The following LINGO2 variants were observed in gnomAD, a reference collection of about 807,000 sequenced individuals.
LINGO2 encodes the protein leucine rich repeat and Ig domain containing 2.
Under a neutral mutation model 30.6 loss-of-function variants are expected in LINGO2, and 14 were observed. That is an observed-to-expected ratio of 0.46 (90% CI 0.30 to 0.72). The LOEUF is 0.72. LINGO2 is among the 30% of genes least tolerant of loss of function. The pLI, the probability that LINGO2 is intolerant of heterozygous loss-of-function variation, is 0.07. For missense variants in LINGO2, 729 were observed against 751.7 expected (o/e 0.97, Z 0.35); for synonymous variants, 317 against 288.5 (o/e 1.10, Z -1.00).
intron 2 of LINGO2, among the ~76,000 whole-genome samples, chr9:28,467,391 A>C (rs1825358945): frequency 6.6e-6 from 1 of 152,186 alleles, no homozygotes; most frequent in Non-Finnish European, 1.5e-5. Context: ...AGCAAACAAC[A>C]TAGTGAAAAC....
chr9:28,514,284 A>G (rs1384963667), intron 1 of LINGO2, among the ~76,000 whole-genome samples: 1 of 152,314 alleles, frequency 6.6e-6, no homozygotes, highest in East Asian at 1.9e-4. Context: ...AAGTGAAAAG[A>G]AGAGTAGCCC....
chr9:28,585,441 T>C (rs1486508361), intron 1 of LINGO2, among the ~76,000 whole-genome samples: 4 of 151,944 alleles, frequency 2.6e-5, no homozygotes, highest in African/African-American at 9.7e-5. Flanking sequence ...CTTAAAATGG[T>C]TCAACTTAGG....
intron 4 of LINGO2, among the ~76,000 whole-genome samples, chr9:28,276,123 T>C (rs1409711112): frequency 3.3e-5 from 5 of 152,188 alleles, no homozygotes; most frequent in Non-Finnish European, 7.4e-5. Flanking sequence ...GATTTGACTA[T>C]CTAAGAATTT....
At chr9:28,241,577 T>G (rs934375927) in intron 4 of LINGO2, among the ~76,000 whole-genome samples, 5 of 151,986 alleles carry the variant, frequency 3.3e-5, no homozygotes, top group African/African-American at 1.2e-4. Context: ...CAGCCCAGAT[T>G]AGTAGGTTTA....
chr9:28,924,473 A>C, the LINGO2 span, among the ~76,000 whole-genome samples: 1 of 152,158 alleles, frequency 6.6e-6, no homozygotes, highest in Admixed American at 6.5e-5. Flanking sequence ...CGCCAGCCTC[A>C]GTCTCCCAAA....
chr9:27,965,123 T>C (rs1469303181), intron 5 of LINGO2, among the ~76,000 whole-genome samples: 2 of 152,138 alleles, frequency 1.3e-5, no homozygotes, highest in Non-Finnish European at 1.5e-5. Context: ...CAAAGACTAT[T>C]AAGGATTCCA....
At chr9:28,340,721 T>A (rs1825739590) in intron 3 of LINGO2, among the ~76,000 whole-genome samples, 1 of 152,102 alleles carries the variant, frequency 6.6e-6, no homozygotes, top group South Asian at 2.1e-4. Context: ...GAAAAAATAC[T>A]TCATGGAATA....
chr9:29,037,570 A>G, the LINGO2 span, among the ~76,000 whole-genome samples: 3 of 151,980 alleles, frequency 2.0e-5, no homozygotes, highest in Non-Finnish European at 4.4e-5. Context: ...TCTATTTTAC[A>G]TATGCTTCCA....
chr9:28,390,870 C>T (rs183197020), intron 2 of LINGO2, among the ~76,000 whole-genome samples: 8 of 152,124 alleles, frequency 5.3e-5, no homozygotes, highest in Admixed American at 3.9e-4. Context: ...CAGCATTTCA[C>T]GTCATTGAAA....
chr9:28,307,646 G>A (rs1255766451), intron 3 of LINGO2, among the ~76,000 whole-genome samples: 2 of 152,116 alleles, frequency 1.3e-5, no homozygotes, highest in Non-Finnish European at 2.9e-5. Flanking sequence ...AATTGTCCCT[G>A]TTTGCAGATG....
the LINGO2 span, chr9:27,942,554 A>G: frequency 6.6e-6 from 1 of 152,208 alleles, no homozygotes; most frequent in East Asian, 1.9e-4. Flanking sequence ...GCAAACCTAA[A>G]TCAAGATACT....
the LINGO2 span, among the ~76,000 whole-genome samples, chr9:29,154,031 A>G: frequency 2.6e-5 from 4 of 152,196 alleles, no homozygotes; most frequent in Non-Finnish European, 5.9e-5. Flanking sequence ...ATGACAAACA[A>G]GAGTCACTCT....
intron 2 of LINGO2, among the ~76,000 whole-genome samples, chr9:28,437,738 C>T (rs572441937): frequency 6.6e-6 from 1 of 152,192 alleles, no homozygotes; most frequent in East Asian, 1.9e-4. Context: ...CATCAGACTT[C>T]TTGAGCCTAT....
At chr9:29,076,236 T>C in the LINGO2 span, among the ~76,000 whole-genome samples, 1 of 152,022 alleles carries the variant, frequency 6.6e-6, no homozygotes, top group African/African-American at 2.4e-5. Context: ...TATATCTAAG[T>C]ATATTTCATT....
chr9:28,955,282 AT>A, the LINGO2 span, among the ~76,000 whole-genome samples: 1 of 152,168 alleles, frequency 6.6e-6, no homozygotes, highest in Non-Finnish European at 1.5e-5. Flanking sequence ...GAGAATAAGT[AT>A]GCTATCATAT....
At chr9:28,196,101 C>T (rs140726507) in intron 4 of LINGO2, among the ~76,000 whole-genome samples, 1 of 151,448 alleles carries the variant, frequency 6.6e-6, no homozygotes, top group Non-Finnish European at 1.5e-5. Flanking sequence ...TGCTAACATC[C>T]TTTTTGACAA....
chr9:28,477,360 A>G (rs1025841778), intron 1 of LINGO2, among the ~76,000 whole-genome samples: 1 of 152,172 alleles, frequency 6.6e-6, no homozygotes, highest in African/African-American at 2.4e-5. Context: ...AAAATGAGGC[A>G]CAGTTTAAGT....
the LINGO2 span, among the ~76,000 whole-genome samples, chr9:29,160,083 C>G: frequency 1.3e-5 from 2 of 152,138 alleles, no homozygotes; most frequent in Non-Finnish European, 2.9e-5. Context: ...ATATCAGAAT[C>G]ACCTAAAGAG....
intron 3 of LINGO2, among the ~76,000 whole-genome samples, chr9:28,325,013 T>G (rs1825176588): frequency 6.6e-6 from 1 of 151,858 alleles, no homozygotes; most frequent in Non-Finnish European, 1.5e-5. Context: ...CTCTCTTAAC[T>G]TCTCTCTTCC....
Sources: gnomAD v4.1 joint callset for allele counts (sites outside exome capture counted in the v4.1 genomes callset) on GRCh38, gnomAD v4.1.1 for gene constraint, MANE v1.5 for transcripts, NCBI Gene and HGNC (gene_info 2026-07-23, HGNC 2026-07-21) for gene names.